The following CAPN6 variants were observed in gnomAD, a reference collection of about 807,000 sequenced individuals.
CAPN6 encodes calpain-6.
CAPN6 carries 16 observed loss-of-function variants against 46.0 expected under a neutral mutation model. That is an observed-to-expected ratio of 0.35 (90% CI 0.24 to 0.53). The LOEUF (loss-of-function observed/expected upper bound fraction) is 0.53. Ranked by LOEUF, CAPN6 falls within the 20% of genes least tolerant of loss-of-function variation. The pLI is 0.94. For missense variants in CAPN6, 461 were observed against 498.0 expected (o/e 0.93, Z 0.71); for synonymous variants, 206 against 172.8 (o/e 1.19, Z -1.51).
intron 2 of CAPN6, among the ~76,000 whole-genome samples, chrX:111,254,972 T>G (rs1027573083): frequency 2.7e-5 from 3 of 111,619 alleles, no homozygotes; most frequent in African/African-American, 9.8e-5. Flanking sequence ...TCTACATTTG[T>G]GGATGAATAT....
intron 1 of CAPN6, among the ~76,000 whole-genome samples, chrX:111,269,729 C>A (rs769805283): frequency 8.9e-6 from 1 of 111,813 alleles, no homozygotes; most frequent in East Asian, 2.8e-4. Flanking sequence ...CAGAGGGGAA[C>A]AAAGCCAGGC....
intron 1 of CAPN6, 111 bp from the exon 2 acceptor site, chrX:111,264,062 G>A (rs2094990042): frequency 2.2e-6 from 1 of 461,198 alleles, no homozygotes; most frequent in African/African-American, 2.5e-5. Context: ...CCAGAGCTAG[G>A]CACTTCTAGT....
intron 3 of CAPN6, 93 bp from the exon 4 acceptor site, chrX:111,253,309 A>G: frequency 1.5e-6 from 1 of 689,304 alleles, no homozygotes; most frequent in Non-Finnish European, 2.3e-6. Context: ...CTACAGGGCA[A>G]CAGGAAGCAT....
Position 111,247,449 on chromosome X carries a change from G to C in CAPN6, c.1662C>G (p.Val554=). 1 of 1,207,170 alleles carries C rather than the reference G, an allele frequency of 8.3e-7. No individual in the cohort carries two copies. Among genetic ancestry groups the C allele is most frequent in the South Asian group, 1.8e-5 (1 of 56,620 alleles). ...KCGKEEVRSP[V]QKNTVHAIFD... is the part of the protein sequence containing the mutation. ...AAATGGCATGAACTGTATTCTTCTG[G>C]ACAGGAGAACGGACTTCCTCCTTTC... Residue 554 remains valine (V), a synonymous_variant, in exon 12 of 13, where the codon GTC becomes GTG. Transcript: ENST00000324068.
chrX:111,246,457 G>A lies in CAPN6; in HGVS notation c.*120C>T. The A allele has an allele frequency of 1.6e-6, 1 of 611,724 alleles. No individual in the cohort carries two copies. Among genetic ancestry groups the A allele is most frequent in the Non-Finnish European group, 2.6e-6 (1 of 386,409 alleles). 50.4% of individuals were successfully genotyped at this position (611,724 alleles called of 1,213,427 possible). ...GTATGGGGAATTTATCAGAAGAGAG[G>A]AAGAGTTAATTATTGTGAATCTCAT... On this transcript the variant is annotated 3_prime_UTR_variant, in exon 13 of 13. Coordinates refer to ENST00000324068, the MANE Select transcript of CAPN6 (RefSeq NM_014289.4).
chrX:111,252,830 C>T (rs905878330), intron 4 of CAPN6, among the ~76,000 whole-genome samples, 178 bp downstream of exon 4: 2 of 111,898 alleles, frequency 1.8e-5, no homozygotes, highest in Non-Finnish European at 3.8e-5. Context: ...TCTGATTTCT[C>T]TCTCATCTAA....
intron 3 of CAPN6, 97 bp downstream of exon 3, chrX:111,254,174 CA>C (rs2094981891): frequency 1.0e-6 from 1 of 983,320 alleles, no homozygotes; most frequent in African/African-American, 1.9e-5. Flanking sequence ...TCAAGAAATA[CA>C]ACAATCTAAG....
chrX:111,263,102 G>A (rs1225426353), intron 2 of CAPN6, among the ~76,000 whole-genome samples: 1 of 112,229 alleles, frequency 8.9e-6, no homozygotes, highest in Non-Finnish European at 1.9e-5. Flanking sequence ...GTTGCTTTTT[G>A]TGTTACCATA....
chrX:111,249,187 T>A (rs1386231445), intron 8 of CAPN6, 130 bp from the exon 9 acceptor site: 1 of 686,776 alleles, frequency 1.5e-6, no homozygotes, highest in Non-Finnish European at 2.2e-6. Context: ...TTCATATTTA[T>A]CAGACAACAA....
At position 111,251,697 on chromosome X, in the gene CAPN6, G is replaced by T. The variant is rs751860687; in HGVS notation, c.745C>A (p.Leu249Met). ...EQEVETDWGLLKGHTYTMTDI... is the reference protein window; with the variant it reads ...EQEVETDWGLMKGHTYTMTDI... ...GTCATGGTATAGGTATGGCCCTTCA[G>T]CAGACCCCAATCAGTTTCAACTTCT... is the stretch of plus-strand genomic sequence containing the variant. The change falls in exon 6 of 13, where the codon CTG (leucine) becomes ATG (methionine). Residue 249 changes from leucine to methionine, a missense_variant. By Grantham distance (15) the Leu-to-Met change is conservative. Coordinates refer to ENST00000324068, the MANE Select transcript of CAPN6 (RefSeq NM_014289.4). 5.0e-6 allele frequency: 6 copies of T among 1,210,585 alleles called. No individual in the cohort carries two copies. The highest frequency in any genetic ancestry group is 6.7e-6 in the Non-Finnish European group (6 of 894,631).
chrX:111,252,578 A>T (rs1197970328), intron 4 of CAPN6, 79 bp from the exon 5 acceptor site: 1 of 796,754 alleles, frequency 1.3e-6, no homozygotes, highest in African/African-American at 2.1e-5. Flanking sequence ...GAATCAGAAC[A>T]TCCCCTGCCT....
In CAPN6 at chrX:111,246,707, T is replaced by C. The variant is rs1220378884; in HGVS notation, c.1796A>G (p.Asp599Gly). 8.3e-7 allele frequency: 1 copy of C among 1,209,097 alleles called. No homozygotes were observed. Among genetic ancestry groups the C allele is most frequent in the Non-Finnish European group, 1.1e-6 (1 of 895,047 alleles). ...CDQFLGQVTL[D>G]ADPSDCRDLK... ...ATCACGGCAGTCGCTGGGGTCAGCA[T>C]CCAGAGTAACCTGCCCCAAGAACTG... is the stretch of plus-strand genomic sequence containing the variant. The change falls in exon 13 of 13, where the codon GAT becomes GGT. Residue 599 changes from aspartate (D) to glycine (G), a missense_variant. Physicochemically the swap from Asp to Gly is moderately conservative, Grantham distance 94. Transcript: ENST00000324068.
chrX:111,251,446 A>T (rs1008227129), intron 6 of CAPN6, 103 bp downstream of exon 6: 2 of 896,551 alleles, frequency 2.2e-6, no homozygotes, highest in Non-Finnish European at 3.2e-6. Flanking sequence ...AAAAGCCCAC[A>T]GATGTCACTG....
intron 2 of CAPN6, 25 bp from the exon 3 acceptor site, chrX:111,254,428 T>C: frequency 8.7e-7 from 1 of 1,144,772 alleles, no homozygotes; most frequent in Non-Finnish European, 1.2e-6. Context: ...ATTGGTTATA[T>C]GAGAGTCTGG....
chrX:111,248,902 T>C lies in CAPN6; in HGVS notation c.1281+33A>G, dbSNP rs915311560. The C allele has an allele frequency of 4.1e-6, 5 of 1,210,745 alleles. No homozygotes were observed. In the South Asian group the frequency reaches 8.8e-5, roughly 21 times the overall value. On this transcript the variant is annotated intron_variant, in intron 9 of 12. Coordinates refer to ENST00000324068, the MANE Select transcript of CAPN6 (RefSeq NM_014289.4). ...TATCCTAATTTTTACTCTGTTTGCC[T>C]TCATTCTCTCTGCCCCAAATGCCCA...
At position 111,249,092 on chromosome X, in the gene CAPN6, C is replaced by T. The variant is rs1314796297; in HGVS notation, c.1159-35G>A. The T allele has an allele frequency of 2.5e-6, 3 of 1,194,417 alleles. No individual in the cohort carries two copies. In the Admixed American group the frequency reaches 6.6e-5, roughly 26 times the overall value. ...AGAGACCACCACAGAGGTGAGTTAG[C>T]ATTCCCATTTCATATGAACGAGCTT... On this transcript the variant is annotated intron_variant, in intron 8 of 12. Transcript: ENST00000324068.
chrX:111,257,863 G>A (rs2094985063), intron 2 of CAPN6, among the ~76,000 whole-genome samples: 1 of 111,550 alleles, frequency 9.0e-6, no homozygotes, highest in African/African-American at 3.3e-5. Flanking sequence ...CAGCTGTGCT[G>A]GCACAGTTGA....
At chrX:111,257,183 TCAACAATGGC>T (rs1342131732) in intron 2 of CAPN6, among the ~76,000 whole-genome samples, 25 of 111,689 alleles carry the variant, frequency 2.2e-4, no homozygotes, top group African/African-American at 7.5e-4. Context: ...GCCTTTAGGC[TCAACAATGGC>T]CACCACATAA....
In CAPN6 at chrX:111,253,201, T is replaced by C; in HGVS notation, c.313A>G (p.Lys105Glu). 8.3e-7 allele frequency: 1 copy of C among 1,203,551 alleles called. No individual in the cohort carries two copies. The highest frequency in any genetic ancestry group is 3.0e-5 in the East Asian group (1 of 33,817). ...TTTTGAGGGTCCCATTCCTGTTCCT[T>C]ATGGTTGGGAATTGTCTAGAAATGC... ...SHWTKTIPNH[K>E]EQEWDPQKTE... is the part of the protein sequence containing the mutation. The change falls in exon 4 of 13, where the codon AAG becomes GAG. Residue 105 changes from lysine to glutamate, a missense_variant. Coordinates refer to ENST00000324068, the MANE Select transcript of CAPN6 (RefSeq NM_014289.4).
Sources: gnomAD v4.1 joint callset for allele counts (sites outside exome capture counted in the v4.1 genomes callset) on GRCh38, gnomAD v4.1.1 for gene constraint, MANE v1.5 for transcripts, NCBI Gene and HGNC (gene_info 2026-07-23, HGNC 2026-07-21) for gene names.